DPPA2: variants seen among roughly 807,000 people sequenced by gnomAD.
DPPA2 encodes developmental pluripotency associated 2.
DPPA2 carries 26 observed loss-of-function variants against 36.2 expected under a neutral mutation model. The ratio of observed to expected loss-of-function variants is 0.72; its 90% CI spans 0.53 to 1.00. The LOEUF (loss-of-function observed/expected upper bound fraction) is 1.00. Among genes scored for constraint, DPPA2 ranks in the 50% least tolerant of loss-of-function variants. The pLI, the probability that DPPA2 is intolerant of heterozygous loss-of-function variation, is 0.00. For synonymous variants in DPPA2, 113 were observed against 123.2 expected (o/e 0.92, Z 0.55); for missense variants, 361 against 365.1 (o/e 0.99, Z 0.09).
At chr3:109,315,430 C>T (rs1211171847) in intron 1 of DPPA2, among the ~76,000 whole-genome samples, 1 of 151,998 alleles carries the variant, frequency 6.6e-6, no homozygotes, top group Non-Finnish European at 1.5e-5. Context: ...CAACAAGAGC[C>T]AAAACACCAA....
At position 109,299,682 on chromosome 3, in the gene DPPA2, G is replaced by A. The variant is rs145384206; in HGVS notation, c.*22+689C>T. ...GCCTGGGCGACAAGAATGAGACCCC[G>A]TCTCAAAAAAAAAAAAAAGAAAAAG... On this transcript the variant is annotated intron_variant, in intron 8 of 8. Coordinates refer to ENST00000478945, the MANE Select transcript of DPPA2 (RefSeq NM_138815.4). Among the ~76,000 whole-genome samples the A allele has an allele frequency of 1.4e-3, 192 of 135,460 alleles. 1 individual carries two copies. Among genetic ancestry groups the A allele is most frequent in the African/African-American group, 5.0e-3 (178 of 35,544 alleles). 88.9% of individuals were successfully genotyped at this position (135,460 alleles called of 152,430 possible).
At chr3:109,310,122 G>T (rs561984333) in intron 3 of DPPA2, among the ~76,000 whole-genome samples, 3 of 151,820 alleles carry the variant, frequency 2.0e-5, no homozygotes, top group East Asian at 2.0e-4. Context: ...CAGCTACTAG[G>T]GAGGCTGAGG....
intron 6 of DPPA2, 64 bp from the exon 7 acceptor site, chr3:109,304,734 C>T: frequency 6.7e-7 from 1 of 1,486,888 alleles, no homozygotes; most frequent in Non-Finnish European, 9.0e-7. Flanking sequence ...AACCTCTCAG[C>T]AAGTCACTCT....
At chr3:109,311,218 C>T (rs1414226441) in intron 3 of DPPA2, among the ~76,000 whole-genome samples, 1 of 152,146 alleles carries the variant, frequency 6.6e-6, no homozygotes, top group Non-Finnish European at 1.5e-5. Flanking sequence ...GATTTATCCT[C>T]CAAAATGTCT....
At chr3:109,304,043 GGGCGGATCATGAGGTCA>G (rs1707504523) in intron 7 of DPPA2, among the ~76,000 whole-genome samples, 1 of 151,918 alleles carries the variant, frequency 6.6e-6, no homozygotes, top group African/African-American at 2.4e-5. Flanking sequence ...AGGCCGAGGC[GGGCGGATCATGAGGTCA>G]GGAGTTTGAA....
chr3:109,300,329 A>G, intron 8 of DPPA2, 42 bp downstream of exon 8: 5 of 1,529,708 alleles, frequency 3.3e-6, no homozygotes, highest in Non-Finnish European at 3.6e-6. Flanking sequence ...CCTTCAAATC[A>G]AAATAATACT....
intron 8 of DPPA2, among the ~76,000 whole-genome samples, chr3:109,299,403 G>A (rs1473463842): frequency 1.3e-5 from 2 of 152,010 alleles, no homozygotes; most frequent in Admixed American, 6.6e-5. Context: ...CCAGCTACTC[G>A]GGAGGCTGAA....
chr3:109,298,274 T>C (rs369615042), intron 8 of DPPA2, among the ~76,000 whole-genome samples: 6 of 152,130 alleles, frequency 3.9e-5, no homozygotes, highest in African/African-American at 1.4e-4. Flanking sequence ...ATATGAACTA[T>C]AGAGTTTAGT....
At chr3:109,310,828 G>T (rs1332755875) in intron 3 of DPPA2, among the ~76,000 whole-genome samples, 2 of 151,352 alleles carry the variant, frequency 1.3e-5, no homozygotes, top group East Asian at 3.9e-4. Flanking sequence ...TTGAGACAGG[G>T]TCTTGCTCTG....
At position 109,308,061 on chromosome 3, in the gene DPPA2, G is replaced by C. The variant is rs1223270407; in HGVS notation, c.629C>G (p.Ser210Cys). Reference sequence around the variant, plus strand: ...GGCTTGCATCAAAAAGGCCTCAACAGAAACAGGAATGGAACATGAATTCAA... The same window carrying C: ...GGCTTGCATCAAAAAGGCCTCAACACAAACAGGAATGGAACATGAATTCAA... ...KALNSCSIPVSVEAFLMQASG... is the reference protein window; with the variant it reads ...KALNSCSIPVCVEAFLMQASG... Residue 210 changes from serine (S) to cysteine (C), a missense_variant, in exon 6 of 9, where the codon TCT becomes TGT. Ser to Cys is a moderately radical substitution (Grantham distance 112, BLOSUM62 -1). Coordinates refer to ENST00000478945, the MANE Select transcript of DPPA2 (RefSeq NM_138815.4). 1.9e-6 allele frequency: 3 copies of C among 1,614,210 alleles called. No homozygotes were observed. Among genetic ancestry groups the C allele is most frequent in the South Asian group, 2.2e-5 (2 of 91,086 alleles).
intron 5 of DPPA2, among the ~76,000 whole-genome samples, chr3:109,308,671 A>G (rs1707629166): frequency 6.6e-6 from 1 of 152,006 alleles, no homozygotes; most frequent in Non-Finnish European, 1.5e-5. Context: ...CAATTTTATT[A>G]TTCTTTGTAC....
intron 8 of DPPA2, among the ~76,000 whole-genome samples, chr3:109,299,144 G>A (rs1314006680): frequency 1.3e-5 from 2 of 151,662 alleles, no homozygotes; most frequent in Admixed American, 1.3e-4. Context: ...GATCACCTGA[G>A]GTCAGGAGTT....
intron 5 of DPPA2, 31 bp downstream of exon 5, chr3:109,308,995 C>A: frequency 1.9e-6 from 3 of 1,613,964 alleles, no homozygotes; most frequent in Admixed American, 1.7e-5. Context: ...TCAGAACCCA[C>A]CTTCACACCA....
At chr3:109,306,307 G>A (rs1707563836) in intron 6 of DPPA2, among the ~76,000 whole-genome samples, 1 of 152,162 alleles carries the variant, frequency 6.6e-6, no homozygotes, top group Non-Finnish European at 1.5e-5. Context: ...TGTCCTCTTT[G>A]GGAAGGCAGT....
At chr3:109,310,583 G>A (rs1707688782) in intron 3 of DPPA2, among the ~76,000 whole-genome samples, 1 of 149,626 alleles carries the variant, frequency 6.7e-6, no homozygotes, top group Non-Finnish European at 1.5e-5. Flanking sequence ...TCAGCTCACT[G>A]CAACCTCCGC....
chr3:109,307,632 G>A (rs988081432), intron 6 of DPPA2, among the ~76,000 whole-genome samples: 8 of 150,390 alleles, frequency 5.3e-5, no homozygotes, highest in Non-Finnish European at 8.9e-5. Flanking sequence ...AAAAGAACAG[G>A]ATACTAAGGC....
At chr3:109,297,694 G>C (rs1707378954) in intron 8 of DPPA2, among the ~76,000 whole-genome samples, 1 of 152,176 alleles carries the variant, frequency 6.6e-6, no homozygotes, top group Non-Finnish European at 1.5e-5. Context: ...TGGCAGAAAT[G>C]AGCTATCAGG....
At chr3:109,300,841 A>G (rs1453789368) in intron 7 of DPPA2, among the ~76,000 whole-genome samples, 3 of 150,654 alleles carry the variant, frequency 2.0e-5, no homozygotes, top group Non-Finnish European at 4.4e-5. Context: ...AAAAAAAAAA[A>G]AGAATGCACT....
intron 2 of DPPA2, 130 bp downstream of exon 2, chr3:109,314,377 AGAG>A (rs1399516735): frequency 4.5e-6 from 4 of 880,400 alleles, no homozygotes; most frequent in South Asian, 2.7e-5. Context: ...TTTGCAAAGA[AGAG>A]GAGGTTTCAA....
Sources: allele counts gnomAD v4.1 joint callset (sites outside exome capture counted in the v4.1 genomes callset), GRCh38; gene constraint gnomAD v4.1.1; transcripts MANE v1.5; gene names NCBI Gene and HGNC (gene_info 2026-07-23, HGNC 2026-07-21).